Variants in CPLANE1 observed in about 807,000 individuals in gnomAD.
The protein encoded by CPLANE1 is ciliogenesis and planar polarity effector complex subunit 1.
A neutral mutation model predicts 362.5 loss-of-function variants in CPLANE1; 263 were observed. The observed-to-expected ratio is 0.73, with a 90% CI of 0.66 to 0.80. CPLANE1 has a LOEUF of 0.80. Ranked by LOEUF, CPLANE1 falls within the 30% of genes least tolerant of loss-of-function variation. The pLI is 0.00. For missense variants in CPLANE1, 3,461 were observed against 3,793.4 expected (o/e 0.91, Z 2.30); for synonymous variants, 1,212 against 1,302.6 (o/e 0.93, Z 1.50).
intron 48 of CPLANE1, among the ~76,000 whole-genome samples, 181 bp from the exon 49 acceptor site, chr5:37,121,965 C>T (rs1455574778): frequency 2.6e-5 from 4 of 151,772 alleles, no homozygotes; most frequent in African/African-American, 7.3e-5. Context: ...CTGCAACCTC[C>T]GCCTCCCGAG....
the CPLANE1 span, among the ~76,000 whole-genome samples, chr5:37,081,741 A>G: frequency 2.0e-5 from 3 of 152,200 alleles, no homozygotes; most frequent in African/African-American, 7.2e-5. Flanking sequence ...AAATCCAAGA[A>G]GCTTAGGGAA....
rs200574335 is a variant in CPLANE1, at chr5:37,126,236, C to CA, written c.8793-828dup. ...CCTGGGTGACAGAGGGAGACTGTCT[C>CA]AAAAAAACAAAAAAATTGTAACACA... On this transcript the variant is annotated intron_variant, in intron 46 of 52. Coordinates refer to ENST00000651892, the MANE Select transcript of CPLANE1 (RefSeq NM_001384732.1). 9.4e-3 allele frequency among the ~76,000 whole-genome samples: 1,429 copies of CA among 151,842 alleles called. 21 individuals are homozygous for CA. The highest frequency in any genetic ancestry group is 0.032 in the African/African-American group (1,315 of 41,406).
intron 50 of CPLANE1, 74 bp from the exon 51 acceptor site, chr5:37,115,123 G>T: frequency 1.0e-6 from 1 of 960,982 alleles, no homozygotes; most frequent in Non-Finnish European, 1.6e-6. Context: ...AGTTATTTGA[G>T]GACAGACACC....
chr5:37,169,958 C>T, intron 33 of CPLANE1, 83 bp downstream of exon 33: 1 of 1,381,030 alleles, frequency 7.2e-7, no homozygotes, highest in Non-Finnish European at 1.0e-6. Flanking sequence ...AACTCCCAAC[C>T]TCAGGTGTGG....
At chr5:37,163,811 C>T (rs1777519674) in intron 37 of CPLANE1, among the ~76,000 whole-genome samples, 1 of 152,144 alleles carries the variant, frequency 6.6e-6, no homozygotes, top group African/African-American at 2.4e-5. Flanking sequence ...GAACTACCAG[C>T]CCCCAATTCA....
At chr5:37,123,286 T>C (rs1243022881) in intron 47 of CPLANE1, among the ~76,000 whole-genome samples, 1 of 152,208 alleles carries the variant, frequency 6.6e-6, no homozygotes, top group East Asian at 1.9e-4. Flanking sequence ...GAGGTTCTTT[T>C]CACACACAAT....
Position 37,213,568 on chromosome 5 carries a change from T to C in CPLANE1, c.2911A>G (p.Ile971Val). The C allele has an allele frequency of 6.5e-7, 1 of 1,538,534 alleles. No individual in the cohort carries two copies. The highest frequency in any genetic ancestry group is 8.8e-7 in the Non-Finnish European group (1 of 1,139,626). Residue 971 changes from isoleucine (I) to valine (V), a missense_variant, in exon 16 of 53, where the codon ATT becomes GTT. Transcript: ENST00000651892. ...HHVNVLPPLH[I>V]KTEQSFRLIP... ...TTGTTTACTACATTACCTGTTTTAA[T>C]ATGAAGTGGGGGAAGAACATTCACA...
chr5:37,243,938 C>T (rs1738601752), intron 5 of CPLANE1, among the ~76,000 whole-genome samples: 1 of 151,244 alleles, frequency 6.6e-6, no homozygotes. Context: ...GCAACCTCCG[C>T]CTCCCAGGTT....
chr5:37,162,410 T>C, intron 38 of CPLANE1, 55 bp downstream of exon 38: 1 of 1,089,888 alleles, frequency 9.2e-7, no homozygotes, highest in South Asian at 1.4e-5. Flanking sequence ...AAAGTCTAGA[T>C]AACTTAATTG....
chr5:37,235,315 G>T (rs889051926), intron 8 of CPLANE1, among the ~76,000 whole-genome samples: 11 of 151,964 alleles, frequency 7.2e-5, no homozygotes, highest in African/African-American at 2.2e-4. Flanking sequence ...ACTGATAAAA[G>T]AAATTATAAT....
chr5:37,131,415 G>A (rs1340457634), intron 46 of CPLANE1, among the ~76,000 whole-genome samples: 1 of 152,010 alleles, frequency 6.6e-6, no homozygotes, highest in East Asian at 1.9e-4. Context: ...AAGAACTACT[G>A]TGATTGCCTT....
chr5:37,223,348 TA>T (rs1795762260), intron 14 of CPLANE1, among the ~76,000 whole-genome samples: 1 of 152,188 alleles, frequency 6.6e-6, no homozygotes, highest in Non-Finnish European at 1.5e-5. Context: ...CTGTGCTCCC[TA>T]AACATCTACC....
the CPLANE1 span, among the ~76,000 whole-genome samples, chr5:37,083,688 G>A: frequency 7.2e-4 from 109 of 152,266 alleles, 1 homozygote; most frequent in Admixed American, 3.5e-3. Flanking sequence ...TTCAGAGCTC[G>A]AAGGCAATGT....
intron 50 of CPLANE1, among the ~76,000 whole-genome samples, chr5:37,115,597 C>CTTTTTTTTT (rs202050168): frequency 8.0e-6 from 1 of 124,668 alleles, no homozygotes. Flanking sequence ...ACTTTTATTT[C>CTTTTTTTTT]TTTTTTTTTT....
At chr5:37,200,841 T>C (rs1240582903) in intron 19 of CPLANE1, among the ~76,000 whole-genome samples, 1 of 152,208 alleles carries the variant, frequency 6.6e-6, no homozygotes, top group Non-Finnish European at 1.5e-5. Context: ...TTTTCTTTTT[T>C]GAGACAGAGT....
At chr5:37,151,427 T>C (rs188332686) in intron 42 of CPLANE1, among the ~76,000 whole-genome samples, 319 of 152,330 alleles carry the variant, frequency 2.1e-3, no homozygotes, top group Admixed American at 5.0e-3. Flanking sequence ...ACATCTATCT[T>C]CTTTTATTAG....
intron 15 of CPLANE1, among the ~76,000 whole-genome samples, chr5:37,218,109 C>T (rs1056655745): frequency 3.9e-5 from 6 of 152,192 alleles, no homozygotes; most frequent in African/African-American, 1.4e-4. Flanking sequence ...GCTTGAAATG[C>T]TTGCTTGTAA....
rs566862328 is a variant in CPLANE1, at chr5:37,143,275, C to A, written c.8462-795G>T. 2.0e-5 allele frequency among the ~76,000 whole-genome samples: 3 copies of A among 152,232 alleles called. No homozygotes were observed. The South Asian group carries it at 6.2e-4, about 32-fold the overall frequency. On this transcript the variant is annotated intron_variant, in intron 43 of 52. Transcript: ENST00000651892. ...GCCCATGATAAAAAATTACAATTCA[C>A]ACAAAGGAACAACCAACCATGAAAG...
intron 38 of CPLANE1, among the ~76,000 whole-genome samples, chr5:37,158,882 G>A (rs1183854284): frequency 2.7e-5 from 4 of 149,612 alleles, no homozygotes; most frequent in South Asian, 2.1e-4. Context: ...TCCACCTCCC[G>A]GGTTCATTCT....
Sources: gnomAD v4.1 joint callset for allele counts (sites outside exome capture counted in the v4.1 genomes callset) on GRCh38, gnomAD v4.1.1 for gene constraint, MANE v1.5 for transcripts, NCBI Gene and HGNC (gene_info 2026-07-23, HGNC 2026-07-21) for gene names.